Variants in GPC6 observed in about 807,000 individuals in gnomAD.
GPC6 encodes glypican-6.
A neutral mutation model predicts 55.2 loss-of-function variants in GPC6; 14 were observed. That is an observed-to-expected ratio of 0.25 (90% CI 0.17 to 0.40). The LOEUF (loss-of-function observed/expected upper bound fraction) is 0.40, where lower values mean the gene tolerates loss of function less well. GPC6 is among the 10% of genes least tolerant of loss of function. The pLI is 1.00. For synonymous variants in GPC6, 278 were observed against 259.6 expected (o/e 1.07, Z -0.68); for missense variants, 641 against 708.5 (o/e 0.90, Z 1.08).
chr13:94,120,871 G>A (rs893482381), intron 4 of GPC6, among the ~76,000 whole-genome samples: 1 of 152,146 alleles, frequency 6.6e-6, no homozygotes, highest in Non-Finnish European at 1.5e-5. Flanking sequence ...TGTGATTTAA[G>A]GAGTGCTACC....
At chr13:94,143,779 G>A (rs1034323778) in intron 4 of GPC6, among the ~76,000 whole-genome samples, 5 of 152,114 alleles carry the variant, frequency 3.3e-5, no homozygotes, top group African/African-American at 1.2e-4. Context: ...TACCTGGGAG[G>A]CTAAGATGGG....
At chr13:94,309,420 C>T (rs905798554) in intron 6 of GPC6, among the ~76,000 whole-genome samples, 11 of 152,002 alleles carry the variant, frequency 7.2e-5, no homozygotes, top group Admixed American at 1.3e-4. Flanking sequence ...AAACTACCAA[C>T]CCCAAGCTGA....
intron 4 of GPC6, among the ~76,000 whole-genome samples, chr13:94,232,626 A>G (rs1163242331): frequency 1.3e-5 from 2 of 152,102 alleles, no homozygotes; most frequent in African/African-American, 4.8e-5. Context: ...CCTATTTTAC[A>G]TATTTGGTAA....
intron 4 of GPC6, among the ~76,000 whole-genome samples, chr13:94,153,842 T>C (rs35790834): frequency 0.084 from 12,844 of 152,224 alleles, 801 homozygotes; most frequent in Non-Finnish European, 0.13. Context: ...GTGATTCTTA[T>C]GTGCAATAAA....
chr13:94,229,696 C>G (rs943207439), intron 4 of GPC6, among the ~76,000 whole-genome samples: 3 of 152,126 alleles, frequency 2.0e-5, no homozygotes, highest in African/African-American at 7.2e-5. Flanking sequence ...TACAAACAAC[C>G]AGACCTGTGC....
chr13:93,454,861 G>T (rs1012610056), intron 1 of GPC6, among the ~76,000 whole-genome samples: 1 of 152,250 alleles, frequency 6.6e-6, no homozygotes, highest in Non-Finnish European at 1.5e-5. Flanking sequence ...GGAGGCTTGG[G>T]CCGCACAGGA....
chr13:94,368,534 A>G (rs1243899415), intron 6 of GPC6, among the ~76,000 whole-genome samples: 1 of 152,246 alleles, frequency 6.6e-6, no homozygotes. Context: ...AACACAGAAT[A>G]AAGGGAAAAC....
rs531238728 is a variant in GPC6 at position 94,345,637 on chromosome 13, C to T, written c.1153-36777C>T. ...AAGTTTGCTAGAGGCTCAGGCAGAC[C>T]CAGCTCTGGGAATCAAGAGGTACAG... On this transcript the variant is annotated intron_variant, in intron 6 of 8. Coordinates refer to ENST00000377047, the MANE Select transcript of GPC6 (RefSeq NM_005708.5). Among the ~76,000 whole-genome samples the T allele has an allele frequency of 2.2e-4, 34 of 152,254 alleles. 1 individual carries two copies. The Middle Eastern group carries it at 0.017, about 76-fold the overall frequency.
intron 1 of GPC6, among the ~76,000 whole-genome samples, chr13:93,275,429 G>A (rs937213935): frequency 2.6e-5 from 4 of 152,112 alleles, no homozygotes; most frequent in African/African-American, 7.2e-5. Flanking sequence ...TAGTAAAGAG[G>A]GATCTCAACA....
chr13:94,346,810 G>A (rs1878315721), intron 6 of GPC6, among the ~76,000 whole-genome samples: 3 of 151,900 alleles, frequency 2.0e-5, no homozygotes, highest in African/African-American at 7.3e-5. Flanking sequence ...AGGTCTTGAT[G>A]GGAGAGTGAA....
intron 2 of GPC6, among the ~76,000 whole-genome samples, chr13:93,806,367 T>A (rs1291838501): frequency 6.6e-6 from 1 of 152,190 alleles, no homozygotes; most frequent in Non-Finnish European, 1.5e-5. Flanking sequence ...GATGGAGTTT[T>A]ACTCTTGTCA....
intron 1 of GPC6, among the ~76,000 whole-genome samples, chr13:93,260,913 A>G (rs948561909): frequency 6.6e-6 from 1 of 152,106 alleles, no homozygotes; most frequent in African/African-American, 2.4e-5. Context: ...TTGGTAGTTC[A>G]GTATTGGTTT....
chr13:94,084,450 T>C (rs1322968368), intron 4 of GPC6, among the ~76,000 whole-genome samples: 1 of 152,192 alleles, frequency 6.6e-6, no homozygotes, highest in Non-Finnish European at 1.5e-5. Context: ...TAGAAATCAA[T>C]TGAAATTCAT....
At chr13:93,763,934 A>C (rs1885032742) in intron 2 of GPC6, among the ~76,000 whole-genome samples, 1 of 152,114 alleles carries the variant, frequency 6.6e-6, no homozygotes, top group South Asian at 2.1e-4. Context: ...CTTGCATAGA[A>C]TGTCAGGAAA....
At chr13:94,379,307 T>C (rs1880050845) in intron 6 of GPC6, among the ~76,000 whole-genome samples, 1 of 152,150 alleles carries the variant, frequency 6.6e-6, no homozygotes, top group Non-Finnish European at 1.5e-5. Context: ...CGTCTGCAGG[T>C]GAATTGGCCA....
intron 3 of GPC6, among the ~76,000 whole-genome samples, chr13:93,991,398 ACAT>A (rs5805839): frequency 0.13 from 19,130 of 152,162 alleles, 1,418 homozygotes; most frequent in East Asian, 0.26. Context: ...TATTAATAAA[ACAT>A]CATAATCATT....
At chr13:93,690,146 G>C (rs946342453) in intron 2 of GPC6, among the ~76,000 whole-genome samples, 3 of 152,142 alleles carry the variant, frequency 2.0e-5, no homozygotes, top group African/African-American at 7.2e-5. Flanking sequence ...ATATTCACTA[G>C]AGTAAGAATA....
intron 1 of GPC6, among the ~76,000 whole-genome samples, chr13:93,543,102 A>AG (rs1407242823): frequency 6.8e-6 from 1 of 147,062 alleles, no homozygotes; most frequent in Non-Finnish European, 1.5e-5. Flanking sequence ...GTCTTGTGCC[A>AG]GTTTTCAAAG....
chr13:94,075,446 G>C (rs1031346399), intron 4 of GPC6, among the ~76,000 whole-genome samples: 1 of 152,008 alleles, frequency 6.6e-6, no homozygotes, highest in Admixed American at 6.6e-5. Flanking sequence ...GTGTGTGTGT[G>C]TGTGCGCGCT....
Sources: gnomAD v4.1 joint callset for allele counts (sites outside exome capture counted in the v4.1 genomes callset) on GRCh38, gnomAD v4.1.1 for gene constraint, MANE v1.5 for transcripts, NCBI Gene and HGNC (gene_info 2026-07-23, HGNC 2026-07-21) for gene names.